SLC1A3: variants seen among roughly 807,000 people sequenced by gnomAD.
SLC1A3 encodes the protein solute carrier family 1 member 3.
Under a neutral mutation model 48.1 loss-of-function variants are expected in SLC1A3, and 21 were observed. The ratio of observed to expected loss-of-function variants is 0.44; its 90% CI spans 0.31 to 0.63. SLC1A3 has a LOEUF of 0.63. Among genes scored for constraint, SLC1A3 ranks in the 20% least tolerant of loss-of-function variants. The probability of loss-of-function intolerance (pLI) is 0.08; values close to 1 mark genes in which losing one functional copy is unlikely to be tolerated. For missense variants in SLC1A3, 546 were observed against 689.0 expected, an observed-to-expected ratio of 0.79 and a Z score of 2.32; for synonymous variants, 239 against 251.4, an observed-to-expected ratio of 0.95 and a Z score of 0.47.
At chr5:36,617,415 C>CTTTTTTTTTTTTTTTTTTTT (rs34710652) in intron 2 of SLC1A3, among the ~76,000 whole-genome samples, 1 of 57,676 alleles carries the variant, frequency 1.7e-5, no homozygotes, top group Non-Finnish European at 3.1e-5. Flanking sequence ...AGGTTGCGGG[C>CTTTTTTTTTTTTTTTTTTTT]TTTTTTTTTT....
At position 36,636,939 on chromosome 5, in the gene SLC1A3, C is replaced by T. The variant is rs942646067; in HGVS notation, c.319+7352C>T. On this transcript the variant is annotated intron_variant, in intron 3 of 9. Transcript: ENST00000265113. ...GTCCATTCTTAGGTGGTCTCAACTA[C>T]GAAGTCTGTCTTCTGTGAGGTCCAC... is the stretch of plus-strand genomic sequence containing the variant. Among the ~76,000 whole-genome samples the T allele has an allele frequency of 3.9e-5, 6 of 152,092 alleles. 1 individual carries two copies. Among genetic ancestry groups the T allele is most frequent in the Admixed American group, 2.6e-4 (4 of 15,274 alleles).
rs1225187035 is a variant in SLC1A3, at chr5:36,676,881, T to C, written c.568-11T>C. 1.9e-6 allele frequency: 3 copies of C among 1,607,510 alleles called. No individual in the cohort carries two copies. The Admixed American group carries it at 5.0e-5, about 27-fold the overall frequency. On this transcript the variant is annotated splice_polypyrimidine_tract_variant and intron_variant, in intron 5 of 9. Coordinates refer to ENST00000265113, the MANE Select transcript of SLC1A3 (RefSeq NM_004172.5). ...TCACCTTTAATCCTCGTTGTGCTTT[T>C]TATTTTTAAGTTTAAAACCAACTAT...
intron 3 of SLC1A3, among the ~76,000 whole-genome samples, chr5:36,657,406 T>A (rs1462251853): frequency 1.3e-5 from 2 of 152,218 alleles, no homozygotes; most frequent in Non-Finnish European, 2.9e-5. Context: ...AATCACGAAG[T>A]GTCTTTGAAT....
chr5:36,676,772 T>C, intron 5 of SLC1A3, 120 bp from the exon 6 acceptor site: 1 of 746,606 alleles, frequency 1.3e-6, no homozygotes, highest in Non-Finnish European at 2.1e-6. Flanking sequence ...TCTATAACAC[T>C]CATCTCTGAA....
intron 9 of SLC1A3, among the ~76,000 whole-genome samples, chr5:36,684,478 T>C (rs189902293): frequency 7.6e-4 from 115 of 152,302 alleles, no homozygotes; most frequent in African/African-American, 2.6e-3. Context: ...CTAGTGTCAT[T>C]AAGTGGAATT....
chr5:36,606,156 T>C (rs1385258786), upstream of SLC1A3, among the ~76,000 whole-genome samples: 1 of 152,226 alleles, frequency 6.6e-6, no homozygotes, highest in Non-Finnish European at 1.5e-5. Context: ...CTGCATTCAG[T>C]GTCTTCCCAA....
chr5:36,631,642 C>T (rs1343592084), intron 3 of SLC1A3, among the ~76,000 whole-genome samples: 1 of 152,194 alleles, frequency 6.6e-6, no homozygotes, highest in East Asian at 1.9e-4. Context: ...TTGTCCAGGA[C>T]TGTGCTAAGG....
intron 8 of SLC1A3, among the ~76,000 whole-genome samples, chr5:36,680,818 G>A (rs1742413128): frequency 6.6e-6 from 1 of 151,748 alleles, no homozygotes; most frequent in Non-Finnish European, 1.5e-5. Flanking sequence ...TTGGGAGGCT[G>A]AAGCAGGAGA....
At chr5:36,663,668 G>A (rs938583113) in intron 3 of SLC1A3, among the ~76,000 whole-genome samples, 5 of 152,258 alleles carry the variant, frequency 3.3e-5, no homozygotes, top group Middle Eastern at 6.8e-3. Context: ...AAATCTGTAA[G>A]GAACACTTGG....
intron 2 of SLC1A3, among the ~76,000 whole-genome samples, chr5:36,618,976 C>T (rs1261352362): frequency 2.0e-5 from 3 of 152,136 alleles, no homozygotes; most frequent in Non-Finnish European, 4.4e-5. Flanking sequence ...CTTAAAACTC[C>T]AAGGTTCTTC....
chr5:36,660,510 A>C (rs1741461495), intron 3 of SLC1A3, among the ~76,000 whole-genome samples: 1 of 152,272 alleles, frequency 6.6e-6, no homozygotes, highest in African/African-American at 2.4e-5. Flanking sequence ...TGTGGAATAT[A>C]TCAGCAATTA....
In SLC1A3 at chr5:36,683,949, G is replaced by A. The variant is rs764612898; in HGVS notation, c.1375G>A (p.Gly459Ser). 5.0e-6 allele frequency: 8 copies of A among 1,613,992 alleles called. No individual in the cohort carries two copies. The highest frequency in any genetic ancestry group is 2.7e-5 in the African/African-American group (2 of 74,900). Residue 459 changes from glycine to serine, a missense_variant, in exon 9 of 10, where the codon GGC becomes AGC. Coordinates refer to ENST00000265113, the MANE Select transcript of SLC1A3 (RefSeq NM_004172.5). ...VTMVIVLTSV[G>S]LPTDDITLII... ...TATGGTCATTGTGCTGACATCTGTCGGCCTGCCCACTGACGACATCACGCT... is the reference window on the plus strand; with the variant it reads ...TATGGTCATTGTGCTGACATCTGTCAGCCTGCCCACTGACGACATCACGCT...
intron 3 of SLC1A3, among the ~76,000 whole-genome samples, chr5:36,651,350 G>A (rs1315241080): frequency 6.6e-6 from 1 of 151,848 alleles, no homozygotes; most frequent in Non-Finnish European, 1.5e-5. Flanking sequence ...TAGTCTCCCT[G>A]CCATCCGCCT....
upstream of SLC1A3, among the ~76,000 whole-genome samples, chr5:36,603,328 C>A (rs1252363230): frequency 6.6e-6 from 1 of 152,234 alleles, no homozygotes; most frequent in African/African-American, 2.4e-5. Context: ...GGTAAATAGG[C>A]CTCAGCACAC....
intron 2 of SLC1A3, among the ~76,000 whole-genome samples, chr5:36,618,434 G>A (rs1031991930): frequency 9.2e-5 from 14 of 152,272 alleles, no homozygotes; most frequent in Non-Finnish European, 1.2e-4. Flanking sequence ...TAGAAGCTAG[G>A]ATCACCCCGC....
chr5:36,650,115 G>A (rs982842705), intron 3 of SLC1A3, among the ~76,000 whole-genome samples: 4 of 152,154 alleles, frequency 2.6e-5, no homozygotes, highest in African/African-American at 7.2e-5. Context: ...AAGTCTTAGT[G>A]TAGAGGCGGG....
chr5:36,616,284 G>T (rs1409991833), intron 2 of SLC1A3, among the ~76,000 whole-genome samples: 2 of 152,238 alleles, frequency 1.3e-5, no homozygotes, highest in African/African-American at 4.8e-5. Context: ...ACATCACTAT[G>T]CCCTATCAAG....
chr5:36,607,877 A>G (rs984792477), intron 1 of SLC1A3, among the ~76,000 whole-genome samples: 13 of 152,194 alleles, frequency 8.5e-5, no homozygotes, highest in African/African-American at 3.1e-4. Context: ...ACCTATCAGT[A>G]TCTTAATTAT....
At chr5:36,658,145 C>T (rs184944683) in intron 3 of SLC1A3, among the ~76,000 whole-genome samples, 12 of 152,156 alleles carry the variant, frequency 7.9e-5, no homozygotes, top group Non-Finnish European at 1.5e-5. Context: ...CAAAGCGCCC[C>T]ACGAAACCAA....
Sources: gnomAD v4.1 joint callset for allele counts (sites outside exome capture counted in the v4.1 genomes callset) on GRCh38, gnomAD v4.1.1 for gene constraint, MANE v1.5 for transcripts, NCBI Gene and HGNC (gene_info 2026-07-23, HGNC 2026-07-21) for gene names.